The following ERBB4 variants were observed in gnomAD, a reference collection of about 807,000 sequenced individuals.
ERBB4 encodes the protein erb-b2 receptor tyrosine kinase 4.
Under a neutral mutation model 158.0 loss-of-function variants are expected in ERBB4, and 42 were observed. The observed-to-expected ratio is 0.27, with a 90% CI of 0.21 to 0.34. The LOEUF is 0.34. Among genes scored for constraint, ERBB4 ranks in the 10% least tolerant of loss-of-function variants. The pLI is 1.00. For synonymous variants in ERBB4, 583 were observed against 558.7 expected, an observed-to-expected ratio of 1.04 and a Z score of -0.61; for missense variants, 1,333 against 1,624.1, an observed-to-expected ratio of 0.82 and a Z score of 3.08.
At chr2:211,459,583 A>G (rs2064475624) in intron 20 of ERBB4, among the ~76,000 whole-genome samples, 1 of 152,164 alleles carries the variant, frequency 6.6e-6, no homozygotes, top group Non-Finnish European at 1.5e-5. Flanking sequence ...GGTAGTGAAT[A>G]AATCTCACGA....
chr2:211,879,300 G>A (rs967312397), intron 3 of ERBB4, among the ~76,000 whole-genome samples: 3 of 152,078 alleles, frequency 2.0e-5, no homozygotes, highest in African/African-American at 7.2e-5. Context: ...ATAAGATTAT[G>A]AGCTCATAAT....
At chr2:211,953,465 C>CAAAAAAAAAAA (rs36024345) in intron 2 of ERBB4, among the ~76,000 whole-genome samples, 8 of 85,562 alleles carry the variant, frequency 9.3e-5, no homozygotes, top group African/African-American at 3.2e-4. Context: ...GGTTTTTCTC[C>CAAAAAAAAAAA]AAAAAAAAAA....
chr2:211,447,887 T>C (rs1453094994), intron 20 of ERBB4, among the ~76,000 whole-genome samples: 1 of 152,134 alleles, frequency 6.6e-6, no homozygotes, highest in Non-Finnish European at 1.5e-5. Context: ...AACTGAACAC[T>C]TCATTAAGAA....
intron 3 of ERBB4, among the ~76,000 whole-genome samples, chr2:211,837,193 T>A (rs182451188): frequency 2.4e-4 from 36 of 152,222 alleles, no homozygotes; most frequent in Non-Finnish European, 4.3e-4. Context: ...GACAGGTTAA[T>A]CCTAATCCAA....
intron 20 of ERBB4, among the ~76,000 whole-genome samples, chr2:211,544,390 A>T (rs2066889482): frequency 2.0e-5 from 3 of 152,032 alleles, no homozygotes; most frequent in Non-Finnish European, 2.9e-5. Context: ...CATGGGTACC[A>T]TCAATCTGAG....
intron 3 of ERBB4, among the ~76,000 whole-genome samples, chr2:211,880,774 A>G (rs1034069516): frequency 1.3e-5 from 2 of 148,172 alleles, no homozygotes; most frequent in East Asian, 3.9e-4. Flanking sequence ...AAATGTCCCA[A>G]AGAAATGAAC....
At chr2:211,643,019 T>TAA (rs2070655056) in intron 16 of ERBB4, among the ~76,000 whole-genome samples, 1 of 152,138 alleles carries the variant, frequency 6.6e-6, no homozygotes, top group African/African-American at 2.4e-5. Flanking sequence ...AAGTTATTTT[T>TAA]CTTTGCTGGT....
Position 211,377,437 on chromosome 2 carries a change from C to T in ERBB4, c.*6178G>A, listed in dbSNP as rs1574492164. On this transcript the variant is annotated 3_prime_UTR_variant, in exon 28 of 28. Coordinates refer to ENST00000342788, the MANE Select transcript of ERBB4 (RefSeq NM_005235.3). ...CACTTCTCATGATATAGGGAAAGCT[C>T]ACTAGAGCATGAAAAGAAAAACGTC... 4.3e-6 allele frequency: 1 copy of T among 232,206 alleles called. No individual in the cohort carries two copies. The highest frequency in any genetic ancestry group is 6.1e-5 in the East Asian group (1 of 16,364). 14.4% of individuals were successfully genotyped at this position (232,206 alleles called of 1,614,324 possible).
At position 211,552,410 on chromosome 2, in the gene ERBB4, A is replaced by T. The variant is rs35935861; in HGVS notation, c.2487+9493T>A. On this transcript the variant is annotated intron_variant, in intron 20 of 27. Transcript: ENST00000342788. ...ACTAATTCTTAAAAATATTGAATAA[A>T]TTTTTTAAAATTTTTTTTGGAAGAA... is the stretch of plus-strand genomic sequence containing the variant. Among the ~76,000 whole-genome samples the T allele has an allele frequency of 5.0e-3, 767 of 152,272 alleles. 2 individuals are homozygous for T. Among genetic ancestry groups the T allele is most frequent in the Non-Finnish European group, 8.9e-3 (607 of 68,020 alleles).
chr2:212,423,229 C>T (rs1016964425), intron 1 of ERBB4, among the ~76,000 whole-genome samples: 1 of 151,982 alleles, frequency 6.6e-6, no homozygotes, highest in Non-Finnish European at 1.5e-5. Context: ...CATAGAGGAA[C>T]AATTAGTCAT....
intron 19 of ERBB4, among the ~76,000 whole-genome samples, chr2:211,563,266 T>C (rs1230385692): frequency 6.7e-6 from 1 of 150,060 alleles, no homozygotes; most frequent in Non-Finnish European, 1.5e-5. Context: ...ATATGTGCTT[T>C]TATATTATGA....
At chr2:211,675,148 A>G (rs955631448) in intron 13 of ERBB4, among the ~76,000 whole-genome samples, 1 of 152,130 alleles carries the variant, frequency 6.6e-6, no homozygotes, top group Non-Finnish European at 1.5e-5. Context: ...ACTTTGCCAG[A>G]GTCACCCTTT....
intron 2 of ERBB4, among the ~76,000 whole-genome samples, chr2:212,056,148 C>T (rs570859489): frequency 1.3e-5 from 2 of 152,090 alleles, no homozygotes; most frequent in South Asian, 2.1e-4. Flanking sequence ...CTTCAGTAGC[C>T]GATTTGATCA....
chr2:211,916,828 A>C (rs572189869), intron 3 of ERBB4, among the ~76,000 whole-genome samples: 1 of 152,302 alleles, frequency 6.6e-6, no homozygotes, highest in Non-Finnish European at 1.5e-5. Flanking sequence ...GTTTAATAGG[A>C]AAGACATAGG....
intron 1 of ERBB4, among the ~76,000 whole-genome samples, chr2:212,299,222 TATAA>T (rs2086531191): frequency 3.3e-5 from 5 of 151,652 alleles, no homozygotes. Flanking sequence ...TTCCCTACAT[TATAA>T]ATGAGGCAGG....
At chr2:212,170,066 G>A (rs1048933027) in intron 1 of ERBB4, among the ~76,000 whole-genome samples, 18 of 152,264 alleles carry the variant, frequency 1.2e-4, no homozygotes, top group African/African-American at 4.3e-4. Flanking sequence ...CTGGGTAATG[G>A]GCAGAGGTTG....
intron 1 of ERBB4, among the ~76,000 whole-genome samples, chr2:212,531,758 A>C (rs1692769570): frequency 6.6e-6 from 1 of 152,220 alleles, no homozygotes; most frequent in Non-Finnish European, 1.5e-5. Context: ...GAAACTCTTA[A>C]AAGTGCTATT....
intron 4 of ERBB4, among the ~76,000 whole-genome samples, chr2:211,784,522 C>G (rs1254775255): frequency 6.6e-6 from 1 of 152,106 alleles, no homozygotes; most frequent in Non-Finnish European, 1.5e-5. Context: ...ATTTGGGTTG[C>G]TTCCACCTCT....
At chr2:211,624,167 G>A in intron 17 of ERBB4, 123 bp from the exon 18 acceptor site, 1 of 1,220,640 alleles carries the variant, frequency 8.2e-7, no homozygotes, top group Admixed American at 1.8e-5. Flanking sequence ...AACTTGGTTT[G>A]CCTTGACAAC....
Sources: allele counts gnomAD v4.1 joint callset (sites outside exome capture counted in the v4.1 genomes callset), GRCh38; gene constraint gnomAD v4.1.1; transcripts MANE v1.5; gene names NCBI Gene and HGNC (gene_info 2026-07-23, HGNC 2026-07-21).